The following LGR5 variants were observed in gnomAD, a reference collection of about 807,000 sequenced individuals.
The protein encoded by LGR5 is leucine rich repeat containing G protein-coupled receptor 5.
In LGR5, 54 loss-of-function variants were observed where a neutral mutation model predicts 76.7. The ratio of observed to expected loss-of-function variants is 0.70; its 90% CI spans 0.57 to 0.88. LGR5 has a LOEUF of 0.88. LGR5 is among the 40% of genes least tolerant of loss of function. The pLI is 0.00. For missense variants in LGR5, 1,078 were observed against 1,073.3 expected, an observed-to-expected ratio of 1.00 and a Z score of -0.06; for synonymous variants, 406 against 421.9, an observed-to-expected ratio of 0.96 and a Z score of 0.46.
Position 71,556,836 on chromosome 12 carries a change from A to G in LGR5, c.716+146A>G, listed in dbSNP as rs1877795329. On this transcript the variant is annotated intron_variant, in intron 6 of 17. Transcript: ENST00000266674. Reference sequence around the variant, plus strand: ...TATTTACAGTGGCATTATCTTACACACACAACCCCCACAGAGCTAAACAAT... The same window carrying G: ...TATTTACAGTGGCATTATCTTACACGCACAACCCCCACAGAGCTAAACAAT... The G allele has an allele frequency of 1.4e-5, 9 of 659,386 alleles. No homozygotes were observed. In the South Asian group the frequency reaches 1.4e-4, roughly 11 times the overall value. The allele number at this position is 659,386 out of a possible 1,614,324, so 40.8% of individuals were successfully genotyped here.
At chr12:71,537,667 T>C (rs762065833) in intron 4 of LGR5, among the ~76,000 whole-genome samples, 17 of 152,156 alleles carry the variant, frequency 1.1e-4, no homozygotes, top group Non-Finnish European at 2.2e-4. Context: ...TAATTGTACT[T>C]CTCCTTCTTC....
chr12:71,541,103 T>C (rs959871794), intron 4 of LGR5, among the ~76,000 whole-genome samples: 1 of 152,184 alleles, frequency 6.6e-6, no homozygotes, highest in Non-Finnish European at 1.5e-5. Context: ...CATATGCAGA[T>C]CAGCACCCAG....
intron 1 of LGR5, among the ~76,000 whole-genome samples, chr12:71,464,522 A>G (rs1872788206): frequency 6.6e-6 from 1 of 152,204 alleles, no homozygotes; most frequent in Admixed American, 6.5e-5. Context: ...ACACAAATAG[A>G]GGAGACACAG....
intron 1 of LGR5, among the ~76,000 whole-genome samples, chr12:71,484,270 G>A (rs1230654438): frequency 2.6e-5 from 4 of 152,132 alleles, no homozygotes; most frequent in Non-Finnish European, 5.9e-5. Flanking sequence ...TTTTAATAAT[G>A]GTACAGTCCT....
At chr12:71,553,337 G>A in intron 5 of LGR5, 49 bp downstream of exon 5, 1 of 1,499,158 alleles carries the variant, frequency 6.7e-7, no homozygotes, top group Non-Finnish European at 9.3e-7. Flanking sequence ...AATGTCACTG[G>A]AAGACCTTGG....
At chr12:71,531,810 G>A (rs2137359518) in intron 3 of LGR5, among the ~76,000 whole-genome samples, 1 of 152,314 alleles carries the variant, frequency 6.6e-6, no homozygotes, top group Non-Finnish European at 1.5e-5. Flanking sequence ...GGAGGTTGCA[G>A]TGAGCCGAGA....
At position 71,479,508 on chromosome 12, in the gene LGR5, G is replaced by A. The variant is rs1382431005; in HGVS notation, c.213-25106G>A. On this transcript the variant is annotated intron_variant, in intron 1 of 17. Coordinates refer to ENST00000266674, the MANE Select transcript of LGR5 (RefSeq NM_003667.4). Reference sequence around the variant, plus strand: ...GGCATTCAAGAAAGTAAGTCAGTAAGTAATGAAAGATGTGACCACAAACTT... The same window carrying A: ...GGCATTCAAGAAAGTAAGTCAGTAAATAATGAAAGATGTGACCACAAACTT... Among the ~76,000 whole-genome samples the A allele has an allele frequency of 2.0e-5, 3 of 152,322 alleles. No individual in the cohort carries two copies. In the East Asian group the frequency reaches 5.8e-4, roughly 29 times the overall value.
At chr12:71,461,401 A>G (rs995407535) in intron 1 of LGR5, among the ~76,000 whole-genome samples, 9 of 152,308 alleles carry the variant, frequency 5.9e-5, no homozygotes, top group Middle Eastern at 3.4e-3. Context: ...TCCATACTGT[A>G]TTAAATTTGC....
At chr12:71,557,726 G>A (rs1012918822) in intron 6 of LGR5, among the ~76,000 whole-genome samples, 6 of 152,140 alleles carry the variant, frequency 3.9e-5, no homozygotes, top group Non-Finnish European at 8.8e-5. Context: ...GGTGTGATGA[G>A]ACTGAGGTGA....
chr12:71,541,929 G>T (rs1344822910), intron 4 of LGR5, among the ~76,000 whole-genome samples: 1 of 152,146 alleles, frequency 6.6e-6, no homozygotes, highest in East Asian at 1.9e-4. Context: ...AATGGGCACT[G>T]ATGAAAAGAA....
chr12:71,499,684 G>C (rs1874505772), intron 1 of LGR5, among the ~76,000 whole-genome samples: 1 of 152,220 alleles, frequency 6.6e-6, no homozygotes, highest in African/African-American at 2.4e-5. Context: ...TCTAGATCGA[G>C]CTCTGCTTGC....
chr12:71,539,460 G>A (rs190330727), intron 4 of LGR5, among the ~76,000 whole-genome samples: 255 of 152,202 alleles, frequency 1.7e-3, no homozygotes, highest in African/African-American at 6.0e-3. Context: ...AAACACATAG[G>A]TACACTTGTG....
chr12:71,476,698 G>C (rs1873350315), intron 1 of LGR5, among the ~76,000 whole-genome samples: 1 of 152,170 alleles, frequency 6.6e-6, no homozygotes. Context: ...ACTAGTTCTT[G>C]GCAGGGAGAT....
chr12:71,554,501 T>C (rs1428230133), intron 5 of LGR5, among the ~76,000 whole-genome samples: 3 of 152,236 alleles, frequency 2.0e-5, no homozygotes, highest in Non-Finnish European at 4.4e-5. Flanking sequence ...TTCTAATCTG[T>C]GGCTAATTTG....
At chr12:71,578,985 T>A in intron 15 of LGR5, 56 bp downstream of exon 15, 2 of 1,492,154 alleles carry the variant, frequency 1.3e-6, no homozygotes, top group Non-Finnish European at 1.8e-6. Flanking sequence ...AAATAATAGA[T>A]GTATTATAGT....
chr12:71,508,582 C>T (rs1397001652), intron 2 of LGR5, among the ~76,000 whole-genome samples: 2 of 151,638 alleles, frequency 1.3e-5, no homozygotes, highest in Non-Finnish European at 2.9e-5. Flanking sequence ...GGTGAAACCC[C>T]GTCTCTACTA....
chr12:71,540,572 A>G (rs1876826043), intron 4 of LGR5, among the ~76,000 whole-genome samples: 3 of 152,184 alleles, frequency 2.0e-5, no homozygotes, highest in South Asian at 4.1e-4. Context: ...TAAAATGTCA[A>G]TAACTTCATC....
chr12:71,535,035 C>A (rs1417368700), intron 3 of LGR5, 80 bp from the exon 4 acceptor site: 2 of 925,760 alleles, frequency 2.2e-6, no homozygotes, highest in Admixed American at 4.2e-5. Context: ...TTTCTGACAC[C>A]TGGAACAGTG....
At chr12:71,449,133 AG>A (rs980980832) in intron 1 of LGR5, among the ~76,000 whole-genome samples, 9 of 152,308 alleles carry the variant, frequency 5.9e-5, no homozygotes, top group South Asian at 4.1e-4. Context: ...CCTCGCTTCA[AG>A]ATAGTATCAG....
Sources: gnomAD v4.1 joint callset for allele counts (sites outside exome capture counted in the v4.1 genomes callset) on GRCh38, gnomAD v4.1.1 for gene constraint, MANE v1.5 for transcripts, NCBI Gene and HGNC (gene_info 2026-07-23, HGNC 2026-07-21) for gene names.